Variants in ZYG11B observed in about 807,000 individuals in gnomAD.
The protein encoded by ZYG11B is zyg-11 family member B, cell cycle regulator, also known as protein zyg-11 homolog B.
A neutral mutation model predicts 82.4 loss-of-function variants in ZYG11B; 36 were observed. The observed-to-expected ratio is 0.44, with a 90% CI of 0.33 to 0.58. The LOEUF (loss-of-function observed/expected upper bound fraction) is 0.58. Among genes scored for constraint, ZYG11B ranks in the 20% least tolerant of loss-of-function variants. ZYG11B has a pLI of 0.02. For missense variants in ZYG11B, 552 were observed against 895.6 expected (o/e 0.62, Z 4.90); for synonymous variants, 303 against 312.8 (o/e 0.97, Z 0.33).
rs1360380566 is a variant in ZYG11B at position 52,825,694 on chromosome 1, TCTCA to T, written c.*4068_*4071del. The T allele has an allele frequency of 6.7e-6, 1 of 149,262 alleles. No homozygotes were observed. The highest frequency in any genetic ancestry group is 2.5e-5 in the African/African-American group (1 of 40,636). The allele number at this position is 149,262 out of a possible 1,614,324, so 9.2% of individuals were successfully genotyped here. ...AAAAAAGCGAGAGAGAGAGATGGTGTCTCACTGTGTTGCCCAGGCTGGTCTCGAA... is the reference window on the plus strand; with the variant it reads ...AAAAAAGCGAGAGAGAGAGATGGTGTCTGTGTTGCCCAGGCTGGTCTCGAA... On this transcript the variant is annotated 3_prime_UTR_variant, in exon 14 of 14. Coordinates refer to ENST00000294353, the MANE Select transcript of ZYG11B (RefSeq NM_024646.3).
intron 1 of ZYG11B, among the ~76,000 whole-genome samples, chr1:52,747,726 C>T (rs770695955): frequency 6.6e-6 from 1 of 152,056 alleles, no homozygotes; most frequent in African/African-American, 2.4e-5. Flanking sequence ...CATGGTGTAA[C>T]ATGGAATTGT....
intron 3 of ZYG11B, among the ~76,000 whole-genome samples, chr1:52,776,229 A>AAAATATATATATATATATAT: frequency 4.7e-4 from 11 of 23,536 alleles, no homozygotes; most frequent in Admixed American, 1.6e-3. Flanking sequence ...TAAAAAAAAA[A>AAAATATATATATATATATAT]ATATATATAT....
intron 3 of ZYG11B, among the ~76,000 whole-genome samples, chr1:52,777,850 T>A (rs1024644078): frequency 6.6e-6 from 1 of 152,246 alleles, no homozygotes; most frequent in Admixed American, 6.5e-5. Flanking sequence ...AGACTAAATC[T>A]TCCCCTTATT....
rs1464590303 is a variant in ZYG11B at position 52,796,942 on chromosome 1, T to TA, written c.1485+160dup. Among the ~76,000 whole-genome samples, 19 of 99,340 alleles carry TA rather than the reference T, an allele frequency of 1.9e-4. 1 individual carries two copies. Among genetic ancestry groups the TA allele is most frequent in the African/African-American group, 7.8e-4 (19 of 24,446 alleles). 65.2% of individuals were successfully genotyped at this position (99,340 alleles called of 152,430 possible). A position where few individuals can be genotyped will look rare whatever the true frequency, so the allele number is the denominator to read the frequency against. ...ATTATATATAATTATATATTATATA[T>TA]AATGTATAATTATATATTATATATA... is the stretch of plus-strand genomic sequence containing the variant. On this transcript the variant is annotated intron_variant, in intron 8 of 13. Transcript: ENST00000294353.
In ZYG11B at chr1:52,760,324, A is replaced by G. The variant is rs1571757019; in HGVS notation, c.196+3701A>G. 2.0e-5 allele frequency among the ~76,000 whole-genome samples: 3 copies of G among 152,144 alleles called. No individual in the cohort carries two copies. In the East Asian group the frequency reaches 5.9e-4, roughly 30 times the overall value. On this transcript the variant is annotated intron_variant, in intron 2 of 13. Coordinates refer to ENST00000294353, the MANE Select transcript of ZYG11B (RefSeq NM_024646.3). ...CCCGGCGTGGTGGCGGGCGCCTGTA[A>G]TCCCAGCTACTGAGGAGGCTGAGGC...
intron 13 of ZYG11B, among the ~76,000 whole-genome samples, chr1:52,820,779 G>A (rs1434649553): frequency 6.7e-6 from 1 of 149,462 alleles, no homozygotes; most frequent in Non-Finnish European, 1.5e-5. Flanking sequence ...TGTATGTGCA[G>A]TATGAGTGCC....
At chr1:52,776,229 A>AAAAAAAAATATATATATATATATATATAT in intron 3 of ZYG11B, among the ~76,000 whole-genome samples, 4 of 23,538 alleles carry the variant, frequency 1.7e-4, no homozygotes, top group Non-Finnish European at 3.5e-4. Context: ...TAAAAAAAAA[A>AAAAAAAAATATATATATATATATATATAT]ATATATATAT....
chr1:52,781,543 A>C (rs1248750235), intron 4 of ZYG11B, among the ~76,000 whole-genome samples: 1 of 152,126 alleles, frequency 6.6e-6, no homozygotes, highest in Non-Finnish European at 1.5e-5. Flanking sequence ...ACTCCCAAAA[A>C]TTTAGATTCA....
At position 52,743,256 on chromosome 1, in the gene ZYG11B, C is replaced by T. The variant is rs1644448470; in HGVS notation, c.31-13202C>T. ...AATCTCAAGTACCCAGGGACACAAA[C>T]ACTGCGGAAGGCCGCAGGGTCTTCT... On this transcript the variant is annotated intron_variant, in intron 1 of 13. Transcript: ENST00000294353. 2.0e-5 allele frequency among the ~76,000 whole-genome samples: 3 copies of T among 151,868 alleles called. No individual in the cohort carries two copies. In the South Asian group the frequency reaches 6.2e-4, roughly 32 times the overall value.
intron 10 of ZYG11B, among the ~76,000 whole-genome samples, chr1:52,811,033 CAAAAA>C (rs747809612): frequency 4.9e-5 from 2 of 40,814 alleles, no homozygotes. Flanking sequence ...GGCTCCGTCT[CAAAAA>C]AAAAAAAAAA....
intron 2 of ZYG11B, among the ~76,000 whole-genome samples, chr1:52,761,633 G>A (rs1644632320): frequency 6.6e-6 from 1 of 152,188 alleles, no homozygotes; most frequent in Admixed American, 6.6e-5. Context: ...TGTGAATAGT[G>A]CTGCAGTAAA....
chr1:52,756,646 CA>C (rs1166911445), intron 2 of ZYG11B, 23 bp downstream of exon 2: 2 of 1,586,838 alleles, frequency 1.3e-6, no homozygotes, highest in South Asian at 2.3e-5. Context: ...ACAGAGGAAA[CA>C]AAAATTATGT....
At chr1:52,821,321 A>C in intron 13 of ZYG11B, 118 bp from the exon 14 acceptor site, 1 of 1,005,612 alleles carries the variant, frequency 9.9e-7, no homozygotes. Context: ...TTAGTGATCA[A>C]TAACAAAACA....
At chr1:52,793,160 A>G (rs569311792) in intron 6 of ZYG11B, among the ~76,000 whole-genome samples, 23 of 151,782 alleles carry the variant, frequency 1.5e-4, no homozygotes, top group African/African-American at 4.4e-4. Context: ...TTTTGTTACT[A>G]TTTTACAGAT....
At chr1:52,734,405 G>C (rs1042621090) in intron 1 of ZYG11B, among the ~76,000 whole-genome samples, 1 of 150,898 alleles carries the variant, frequency 6.6e-6, no homozygotes, top group African/African-American at 2.4e-5. Context: ...TTTAATAAGC[G>C]GTAGAAATAG....
intron 1 of ZYG11B, among the ~76,000 whole-genome samples, chr1:52,739,894 C>T (rs12726936): frequency 0.069 from 10,495 of 152,254 alleles, 559 homozygotes; most frequent in African/African-American, 0.15. Flanking sequence ...GCATGAGCCA[C>T]GCTCCTGGCC....
chr1:52,801,234 A>T (rs1040077046), intron 8 of ZYG11B, among the ~76,000 whole-genome samples: 4 of 152,110 alleles, frequency 2.6e-5, no homozygotes, highest in African/African-American at 9.7e-5. Context: ...GGGAGGGGCT[A>T]TTATCTTATT....
At chr1:52,743,390 A>C (rs1644449952) in intron 1 of ZYG11B, among the ~76,000 whole-genome samples, 1 of 132,722 alleles carries the variant, frequency 7.5e-6, no homozygotes, top group African/African-American at 2.9e-5. Context: ...CCCAAGAATG[A>C]TCAATAAATA....
At chr1:52,803,333 A>T (rs1645113928) in intron 10 of ZYG11B, among the ~76,000 whole-genome samples, 1 of 142,022 alleles carries the variant, frequency 7.0e-6, no homozygotes, top group Admixed American at 7.4e-5. Context: ...TCTACTTGGG[A>T]GGCTGAGGCA....
Sources: gnomAD v4.1 joint callset for allele counts (sites outside exome capture counted in the v4.1 genomes callset) on GRCh38, gnomAD v4.1.1 for gene constraint, MANE v1.5 for transcripts, NCBI Gene and HGNC (gene_info 2026-07-23, HGNC 2026-07-21) for gene names.